Variants in NEB observed in about 807,000 individuals in gnomAD.
NEB encodes the protein nemaline myopathy type 2.
Under a neutral mutation model 952.2 loss-of-function variants are expected in NEB, and 512 were observed. The ratio of observed to expected loss-of-function variants is 0.54; its 90% CI spans 0.50 to 0.58. The LOEUF (loss-of-function observed/expected upper bound fraction) is 0.58, where lower values mean the gene tolerates loss of function less well. Among genes scored for constraint, NEB ranks in the 20% least tolerant of loss-of-function variants. The pLI is 0.00. For synonymous variants in NEB, 2,900 were observed against 3,149.8 expected, an observed-to-expected ratio of 0.92 and a Z score of 2.66; for missense variants, 8,428 against 9,231.1, an observed-to-expected ratio of 0.91 and a Z score of 3.56.
chr2:151,568,782 A>C, intron 110 of NEB, 66 bp from the exon 111 acceptor site: 2 of 1,169,208 alleles, frequency 1.7e-6, no homozygotes, highest in Non-Finnish European at 2.4e-6. Context: ...GAGAAGATAC[A>C]CTAAATTTAG....
At chr2:151,512,594 G>T (rs539727676) in intron 161 of NEB, 139 bp downstream of exon 161, 1 of 709,322 alleles carries the variant, frequency 1.4e-6, no homozygotes, top group Non-Finnish European at 2.5e-6. Context: ...GAATACAGAC[G>T]TGAGCCACTG....
At chr2:151,560,890 G>GA (rs2095995497) in intron 123 of NEB, 114 bp downstream of exon 123, 5 of 792,676 alleles carry the variant, frequency 6.3e-6, no homozygotes, top group East Asian at 2.7e-5. Context: ...GAAGGTCCAG[G>GA]AAAAAACCAT....
intron 10 of NEB, among the ~76,000 whole-genome samples, chr2:151,712,047 A>G (rs926103333): frequency 9.2e-5 from 14 of 152,140 alleles, no homozygotes; most frequent in Non-Finnish European, 1.9e-4. Context: ...TTGGAGACAG[A>G]CCTCTTCAAG....
At chr2:151,721,954 A>C (rs891081886) in intron 9 of NEB, among the ~76,000 whole-genome samples, 1 of 152,210 alleles carries the variant, frequency 6.6e-6, no homozygotes, top group African/African-American at 2.4e-5. Flanking sequence ...ATTACATAGA[A>C]AGTGAAATAG....
At position 151,618,264 on chromosome 2, in the gene NEB, T is replaced by G. The variant is rs1195702282; in HGVS notation, c.11076+11A>C. The G allele has an allele frequency of 1.2e-6, 2 of 1,612,350 alleles. No individual in the cohort carries two copies. Among genetic ancestry groups the G allele is most frequent in the African/African-American group, 2.7e-5 (2 of 75,010 alleles). On this transcript the variant is annotated intron_variant, in intron 74 of 181. Coordinates refer to ENST00000397345, the MANE Select transcript of NEB (RefSeq NM_001164508.2). ...ACTTTCGGTATCTAACAGTGAGGAT[T>G]GAAGACTCACCTTATTCATGTTTAA...
intron 54 of NEB, among the ~76,000 whole-genome samples, chr2:151,647,098 A>G (rs911296103): frequency 3.3e-5 from 5 of 151,666 alleles, no homozygotes; most frequent in Admixed American, 2.0e-4. Context: ...AGTTTCACAG[A>G]CTTACTAAAA....
At chr2:151,489,652 G>A (rs554648466) in intron 181 of NEB, among the ~76,000 whole-genome samples, 4 of 152,084 alleles carry the variant, frequency 2.6e-5, no homozygotes, top group South Asian at 2.1e-4. Flanking sequence ...CTGCATCAGC[G>A]TCCCAAAGTG....
At chr2:151,712,552 G>T (rs1279850278) in intron 10 of NEB, among the ~76,000 whole-genome samples, 2 of 152,092 alleles carry the variant, frequency 1.3e-5, no homozygotes, top group Non-Finnish European at 2.9e-5. Flanking sequence ...AATGGGTCAG[G>T]GTGGAGATCG....
chr2:151,733,259 A>C, intron 2 of NEB, 74 bp from the exon 3 acceptor site: 1 of 1,092,172 alleles, frequency 9.2e-7, no homozygotes, highest in Non-Finnish European at 1.3e-6. Context: ...TGACATTATA[A>C]AAATAGAATT....
At chr2:151,725,188 G>C (rs1229837606) in intron 6 of NEB, among the ~76,000 whole-genome samples, 1 of 152,186 alleles carries the variant, frequency 6.6e-6, no homozygotes, top group Non-Finnish European at 1.5e-5. Flanking sequence ...TGGCCTTACT[G>C]TGCTACAGTG....
rs746076977 is a variant in NEB at position 151,535,708 on chromosome 2, T to G, written c.21295A>C (p.Thr7099Pro). Residue 7099 changes from threonine (T) to proline (P), a missense_variant, in exon 142 of 182, where the codon ACT becomes CCT. Physicochemically the swap from Thr to Pro is conservative, Grantham distance 38. Transcript: ENST00000397345. ...SPINRHFKYA[T>P]QLMNERKYKS... is the part of the protein sequence containing the mutation. The stretch of plus-strand genomic sequence containing the variant: ...ATACATACCTCATTCATCAATTGAG[T>G]TGCATACTTGAAATGCCTATTGATC... The G allele has an allele frequency of 6.2e-7, 1 of 1,605,864 alleles. No homozygotes were observed. The highest frequency in any genetic ancestry group is 1.1e-5 in the South Asian group (1 of 89,732).
chr2:151,561,113 A>G lies in NEB; in HGVS notation c.19102-5T>C. On this transcript the variant is annotated splice_region_variant and splice_polypyrimidine_tract_variant and intron_variant, in intron 122 of 181. Transcript: ENST00000397345. ...ATAATTTTCTTTATATTTTACCTGT[A>G]GACAAGCAACAATAGGTTATTCACC... is the stretch of plus-strand genomic sequence containing the variant. 1.9e-6 allele frequency: 3 copies of G among 1,570,398 alleles called. No homozygotes were observed. The highest frequency in any genetic ancestry group is 2.6e-6 in the Non-Finnish European group (3 of 1,146,568).
At chr2:151,556,590 C>G (rs1390276023) in intron 124 of NEB, among the ~76,000 whole-genome samples, 1 of 151,936 alleles carries the variant, frequency 6.6e-6, no homozygotes, top group Non-Finnish European at 1.5e-5. Flanking sequence ...GACTTTAAAC[C>G]AACAAAGATC....
chr2:151,703,906 A>G (rs1169655871), intron 13 of NEB, among the ~76,000 whole-genome samples: 1,739 of 115,042 alleles, frequency 0.015, no homozygotes, highest in African/African-American at 0.021. Context: ...CTGGTGAGGA[A>G]CTGCGTTCCT....
chr2:151,631,389 A>T (rs536736014), intron 65 of NEB, 43 bp from the exon 66 acceptor site: 1 of 1,567,176 alleles, frequency 6.4e-7, no homozygotes, highest in African/African-American at 1.4e-5. Context: ...TCAAGACCAC[A>T]ATATTTAGGG....
intron 38 of NEB, 124 bp downstream of exon 38, chr2:151,670,899 C>G: frequency 9.9e-7 from 1 of 1,012,256 alleles, no homozygotes; most frequent in Non-Finnish European, 1.5e-6. Context: ...TCTCTCATAC[C>G]TATGAAAGCA....
At chr2:151,551,937 T>A in intron 128 of NEB, 92 bp from the exon 129 acceptor site, 1 of 853,476 alleles carries the variant, frequency 1.2e-6, no homozygotes, top group Non-Finnish European at 1.9e-6. Flanking sequence ...TCCCTTTGCC[T>A]GGAGAACTCA....
At chr2:151,673,162 A>AG (rs1444377544) in intron 36 of NEB, among the ~76,000 whole-genome samples, 1 of 152,202 alleles carries the variant, frequency 6.6e-6, no homozygotes, top group Non-Finnish European at 1.5e-5. Flanking sequence ...AGCCACAGTA[A>AG]GGACCTGCTG....
In NEB at chr2:151,723,898, C is replaced by T. The variant is rs527940573; in HGVS notation, c.612+362G>A. The stretch of plus-strand genomic sequence containing the variant: ...CTTGCAAGAAGGGGCACAAAATAAA[C>T]CTCTAATTAGAGTAATAGCCAGGGA... On this transcript the variant is annotated intron_variant, in intron 8 of 181. Coordinates refer to ENST00000397345, the MANE Select transcript of NEB (RefSeq NM_001164508.2). 5.0e-4 allele frequency among the ~76,000 whole-genome samples: 76 copies of T among 151,926 alleles called. 2 individuals carry two copies. The South Asian group carries it at 0.013, about 27-fold the overall frequency.
Sources: allele counts gnomAD v4.1 joint callset (sites outside exome capture counted in the v4.1 genomes callset), GRCh38; gene constraint gnomAD v4.1.1; transcripts MANE v1.5; gene names NCBI Gene and HGNC (gene_info 2026-07-23, HGNC 2026-07-21).